The following SNORC variants were observed in gnomAD, a reference collection of about 807,000 sequenced individuals.
The protein encoded by SNORC is secondary ossification center associated regulator of chondrocyte maturation, also known as protein SNORC.
A neutral mutation model predicts 9.7 loss-of-function variants in SNORC; 11 were observed. The ratio of observed to expected loss-of-function variants is 1.14; its 90% CI spans 0.72 to 1.88. The LOEUF (loss-of-function observed/expected upper bound fraction) is 1.88, where lower values mean the gene tolerates loss of function less well. Among genes scored for constraint, SNORC ranks in the 40% most tolerant of loss-of-function variants. The pLI, the probability that SNORC is intolerant of heterozygous loss-of-function variation, is 0.00. For synonymous variants in SNORC, 108 were observed against 88.7 expected (o/e 1.22, Z -1.22); for missense variants, 197 against 173.1 (o/e 1.14, Z -0.77).
Position 232,876,258 on chromosome 2 carries a change from C to T in SNORC, c.268C>T (p.Pro90Ser). The change falls in exon 3 of 3, where the codon CCC (proline) becomes TCC (serine). Residue 90 changes from proline to serine, a missense_variant. Physicochemically the swap from Pro to Ser is moderately conservative, Grantham distance 74. Transcript: ENST00000331342. The surrounding 1 kb of genome is among the most constrained non-coding windows in gnomAD (Gnocchi z 6.8). ...TCCGTCCTCCGCAGGGTCGCTGGGG[C>T]CCGGCGCTATCGCGGCCATCGTGAT... is the stretch of plus-strand genomic sequence containing the variant. 1 of 1,512,356 alleles carries T rather than the reference C, an allele frequency of 6.6e-7. No individual in the cohort carries two copies. The highest frequency in any genetic ancestry group is 1.4e-5 in the African/African-American group (1 of 69,072). The allele number at this position is 1,512,356 out of a possible 1,614,324, so 93.7% of individuals were successfully genotyped here.
At chr2:232,876,778 C>T, downstream of SNORC, 3 of 985,314 alleles carry the variant, frequency 3.0e-6, no homozygotes, top group Non-Finnish European at 2.4e-6. The surrounding 1 kb of genome is among the most constrained non-coding windows in gnomAD (Gnocchi z 6.8). Flanking sequence ...CGTCCGGGGG[C>T]ACCGTCACGG....
chr2:232,870,377 G>T (rs1362389988), exon 1 of SNORC: 1 of 1,571,476 alleles, frequency 6.4e-7, no homozygotes, highest in Non-Finnish European at 8.6e-7. Context: ...TGGCGCTGCT[G>T]CTGGTCTCCG....
chr2:232,872,619 AC>A (rs1691071395), intron 1 of SNORC, among the ~76,000 whole-genome samples: 1 of 151,704 alleles, frequency 6.6e-6, no homozygotes. Flanking sequence ...CCGTGCCCCC[AC>A]CTCTTTGCCA....
At position 232,876,064 on chromosome 2, in the gene SNORC, C is replaced by T. The variant is rs1053678401; in HGVS notation, c.198C>T (p.Pro66=). ...CCGTGGACACCGGTCCCCCAGCCCC[C>T]ACCGTCGCGCCAGGACCCGAGGACA... Residue 66 remains proline, a synonymous_variant, in exon 2 of 3, where the codon CCC becomes CCT. Coordinates refer to ENST00000331342, the Ensembl canonical transcript of SNORC. The surrounding 1 kb of genome is among the most constrained non-coding windows in gnomAD (Gnocchi z 6.8). The T allele has an allele frequency of 3.9e-6, 6 of 1,536,032 alleles. No homozygotes were observed. In the Admixed American group the frequency reaches 7.9e-5, roughly 20 times the overall value.
chr2:232,876,924 G>A (rs1574976128), downstream of SNORC: 1 of 985,442 alleles, frequency 1.0e-6, no homozygotes, highest in Non-Finnish European at 1.2e-6. This position sits in a 1 kb window ranked among gnomAD's most constrained non-coding sequence, Gnocchi z 6.8. Context: ...CCGTGAGGAG[G>A]TAAGCGCTAG....
At position 232,876,369 on chromosome 2, in the gene SNORC, G is replaced by A; in HGVS notation, c.*13G>A. On this transcript the variant is annotated 3_prime_UTR_variant, in exon 3 of 3. Transcript: ENST00000331342. This position sits in a 1 kb window ranked among gnomAD's most constrained non-coding sequence, Gnocchi z 6.8. ...TTCTGCCTCCTGAAGCGAATAAAGG[G>A]GCCGCGCCCGGCCGCGGCGCGACTC... 1.3e-6 allele frequency: 2 copies of A among 1,516,032 alleles called. No homozygotes were observed. The highest frequency in any genetic ancestry group is 1.8e-6 in the Non-Finnish European group (2 of 1,137,698). 93.9% of individuals were successfully genotyped at this position (1,516,032 alleles called of 1,614,324 possible). A position where few individuals can be genotyped will look rare whatever the true frequency, so the allele number is the denominator to read the frequency against.
At chr2:232,877,923 C>G (rs191856920), downstream of SNORC, 2 of 152,430 alleles carry the variant, frequency 1.3e-5, no homozygotes, top group East Asian at 3.9e-4. Flanking sequence ...GCACGGGGAC[C>G]AATGGCCACC....
At chr2:232,877,289 C>CA, downstream of SNORC, 1 of 985,476 alleles carries the variant, frequency 1.0e-6, no homozygotes, top group Non-Finnish European at 1.2e-6. Context: ...ACTTCACCCT[C>CA]AGAGAGTCGG....
At chr2:232,870,183 G>T (rs865799275), upstream of SNORC, 7 of 663,692 alleles carry the variant, frequency 1.1e-5, no homozygotes, top group Non-Finnish European at 1.9e-5. Context: ...TGGGGGGAGC[G>T]GGGGGGTGGG....
chr2:232,871,338 T>C (rs1691017606), intron 1 of SNORC, among the ~76,000 whole-genome samples: 1 of 151,990 alleles, frequency 6.6e-6, no homozygotes, highest in Non-Finnish European at 1.5e-5. Context: ...ACTATTGGCT[T>C]CTCCCTGGAC....
At chr2:232,869,321 C>T (rs1173451675), upstream of SNORC, among the ~76,000 whole-genome samples, 1 of 152,072 alleles carries the variant, frequency 6.6e-6, no homozygotes, top group Admixed American at 6.6e-5. Flanking sequence ...TGGACTGAAA[C>T]ATAGAGCTCG....
intron 1 of SNORC, among the ~76,000 whole-genome samples, chr2:232,874,419 G>C (rs1348939728): frequency 3.9e-5 from 6 of 152,198 alleles, no homozygotes; most frequent in African/African-American, 1.2e-4. Context: ...CTGAGTCTCC[G>C]ATCACAGGCC....
At chr2:232,870,357 G>A in exon 1 of SNORC, 1 of 1,563,492 alleles carries the variant, frequency 6.4e-7, no homozygotes, top group African/African-American at 1.4e-5. Context: ...ATCCTGTCTG[G>A]CCCTGCGCAT....
downstream of SNORC, chr2:232,878,562 C>T (rs116065069): frequency 7.9e-3 from 1,204 of 152,602 alleles, 13 homozygotes; most frequent in African/African-American, 0.027. Context: ...GTTCCTTCCT[C>T]TCTGGAAACC....
intron 1 of SNORC, among the ~76,000 whole-genome samples, chr2:232,874,600 C>A (rs1691147389): frequency 6.6e-6 from 1 of 152,230 alleles, no homozygotes; most frequent in African/African-American, 2.4e-5. Context: ...TAGATGGACA[C>A]AACTGGCCAG....
intron 1 of SNORC, 71 bp from the exon 2 acceptor site, chr2:232,875,869 C>G: frequency 2.7e-6 from 4 of 1,466,402 alleles, no homozygotes; most frequent in Non-Finnish European, 3.6e-6. Flanking sequence ...CTTGCTTAAC[C>G]TAGAGGTGGG....
intron 1 of SNORC, among the ~76,000 whole-genome samples, chr2:232,872,010 G>A (rs952056878): frequency 6.6e-6 from 1 of 152,216 alleles, no homozygotes; most frequent in African/African-American, 2.4e-5. Context: ...TGGCCTCACT[G>A]CCCCACTTCC....
Position 232,876,343 on chromosome 2 carries a change from T to C in SNORC, c.353T>C (p.Phe118Ser), listed in dbSNP as rs200732936. ...CTCGTGGTCGTCGCGCTGAGAAAGTTTTCTGCCTCCTGAAGCGAATAAAGG... is the reference window on the plus strand; with the variant it reads ...CTCGTGGTCGTCGCGCTGAGAAAGTCTTCTGCCTCCTGAAGCGAATAAAGG... Residue 118 changes from phenylalanine to serine, a missense_variant, in exon 3 of 3, where the codon TTT becomes TCT. Physicochemically the swap from Phe to Ser is radical, Grantham distance 155 (BLOSUM62 -2). Coordinates refer to ENST00000331342, the Ensembl canonical transcript of SNORC. The surrounding 1 kb of genome is among the most constrained non-coding windows in gnomAD (Gnocchi z 6.8). The C allele has an allele frequency of 6.0e-5, 93 of 1,543,734 alleles. 1 individual carries two copies. In the Middle Eastern group the frequency reaches 1.3e-3, roughly 21 times the overall value.
intron 1 of SNORC, among the ~76,000 whole-genome samples, chr2:232,872,818 T>C (rs555895271): frequency 7.3e-6 from 1 of 137,530 alleles, no homozygotes. Flanking sequence ...TCAGCTTTGC[T>C]TTCCCTTCTT....
Sources: gnomAD v4.1 joint callset for allele counts (sites outside exome capture counted in the v4.1 genomes callset) on GRCh38, gnomAD v4.1.1 for gene constraint, Gnocchi (gnomAD v3.1) non-coding constraint, MANE v1.5 for transcripts, NCBI Gene and HGNC (gene_info 2026-07-23, HGNC 2026-07-21) for gene names.